NXN: variants seen among roughly 807,000 people sequenced by gnomAD.
NXN encodes nucleoredoxin.
NXN carries 16 observed loss-of-function variants against 48.6 expected under a neutral mutation model. The ratio of observed to expected loss-of-function variants is 0.33; its 90% CI spans 0.22 to 0.50. The LOEUF (loss-of-function observed/expected upper bound fraction) is 0.50, where lower values mean the gene tolerates loss of function less well. Among genes scored for constraint, NXN ranks in the 20% least tolerant of loss-of-function variants. The pLI is 0.98. For missense variants in NXN, 492 were observed against 605.5 expected, an observed-to-expected ratio of 0.81 and a Z score of 1.97; for synonymous variants, 281 against 269.6, an observed-to-expected ratio of 1.04 and a Z score of -0.41.
At position 910,167 on chromosome 17, in the gene NXN, T is replaced by G. The variant is rs376894742; in HGVS notation, c.360+69152A>C. ...CAGCTCACGCCTGTAATCCCAGCAG[T>G]TGGGGAGGCCGAGGCAGGCGGATCA... is the stretch of plus-strand genomic sequence containing the variant. On this transcript the variant is annotated intron_variant, in intron 1 of 7. Coordinates refer to ENST00000336868, the MANE Select transcript of NXN (RefSeq NM_022463.5). Among the ~76,000 whole-genome samples the G allele has an allele frequency of 2.6e-5, 4 of 151,996 alleles. No homozygotes were observed. In the South Asian group the frequency reaches 6.2e-4, roughly 24 times the overall value.
chr17:843,754 C>T (rs955312623), intron 1 of NXN, among the ~76,000 whole-genome samples: 1 of 152,218 alleles, frequency 6.6e-6, no homozygotes, highest in Admixed American at 6.5e-5. Flanking sequence ...ATGTGCCACG[C>T]TCACTCTGAG....
At chr17:802,989 T>G (rs1405818316) in intron 7 of NXN, among the ~76,000 whole-genome samples, 1 of 152,130 alleles carries the variant, frequency 6.6e-6, no homozygotes. Flanking sequence ...AGGAGGCTCC[T>G]GGGTTGGAGG....
chr17:842,340 G>A (rs1202974140), intron 1 of NXN, among the ~76,000 whole-genome samples: 1 of 152,200 alleles, frequency 6.6e-6, no homozygotes, highest in South Asian at 2.1e-4. Flanking sequence ...AGAGACACAG[G>A]GGAGCCGCTG....
In NXN at chr17:849,664, C is replaced by A. The variant is rs1057495590; in HGVS notation, c.361-23586G>T. ...GTCCTCTGGCGGCCAGCTGCCTCAT[C>A]CCTTTACCTCCGCAGACAAGCAATC... On this transcript the variant is annotated intron_variant, in intron 1 of 7. Coordinates refer to ENST00000336868, the MANE Select transcript of NXN (RefSeq NM_022463.5). The surrounding 1 kb of genome is among the most constrained non-coding windows in gnomAD (Gnocchi z 4.2). 1.3e-5 allele frequency among the ~76,000 whole-genome samples: 2 copies of A among 152,198 alleles called. No homozygotes were observed. Among genetic ancestry groups the A allele is most frequent in the Admixed American group, 6.5e-5 (1 of 15,278 alleles).
chr17:915,212 G>C (rs746559061), intron 1 of NXN, among the ~76,000 whole-genome samples: 1 of 151,760 alleles, frequency 6.6e-6, no homozygotes, highest in Non-Finnish European at 1.5e-5. Context: ...GGGATTACAG[G>C]CGTGAGCCAC....
intron 1 of NXN, among the ~76,000 whole-genome samples, chr17:865,401 C>G (rs926138549): frequency 1.3e-5 from 2 of 151,964 alleles, no homozygotes; most frequent in African/African-American, 4.8e-5. Context: ...CACCACCACG[C>G]CCGGCTGATT....
At chr17:814,643 G>A (rs574179848) in intron 5 of NXN, among the ~76,000 whole-genome samples, 3 of 152,304 alleles carry the variant, frequency 2.0e-5, no homozygotes, top group African/African-American at 7.2e-5. Context: ...ATCTCATCCT[G>A]TCCACTCAAG....
intron 5 of NXN, among the ~76,000 whole-genome samples, chr17:806,944 ACACGCACGCGCC>A (rs1165157805): frequency 6.9e-6 from 1 of 145,592 alleles, no homozygotes; most frequent in Non-Finnish European, 1.5e-5. Flanking sequence ...ACACACACAC[ACACGCACGCGCC>A]CACACACACA....
chr17:897,064 C>T (rs2068494706), intron 1 of NXN: 2 of 1,071,892 alleles, frequency 1.9e-6, no homozygotes, highest in Non-Finnish European at 2.3e-6. Flanking sequence ...CACGCGTGAG[C>T]TTTGACAGCC....
chr17:841,621 CACGG>C (rs1914296660), intron 1 of NXN, among the ~76,000 whole-genome samples: 1 of 112,850 alleles, frequency 8.9e-6, no homozygotes, highest in Admixed American at 8.9e-5. Context: ...GAGCATCTCA[CACGG>C]GCAAGCAGGT....
intron 1 of NXN, among the ~76,000 whole-genome samples, chr17:835,226 T>G (rs1189563072): frequency 6.7e-6 from 1 of 148,260 alleles, no homozygotes; most frequent in Non-Finnish European, 1.5e-5. Context: ...GAGAATGGCG[T>G]GAACCCAGGA....
intron 1 of NXN, among the ~76,000 whole-genome samples, chr17:846,947 A>T (rs571252119): frequency 1.7e-3 from 258 of 152,334 alleles, no homozygotes; most frequent in African/African-American, 5.9e-3. Context: ...TATCCCACAT[A>T]GTCAAATCAT....
At chr17:869,022 T>C (rs1373212904) in intron 1 of NXN, among the ~76,000 whole-genome samples, 1 of 152,200 alleles carries the variant, frequency 6.6e-6, no homozygotes, top group African/African-American at 2.4e-5. Flanking sequence ...CCAGGCTTTC[T>C]ATCACTGCAG....
chr17:912,634 C>T (rs759000249), intron 1 of NXN, among the ~76,000 whole-genome samples: 1 of 151,904 alleles, frequency 6.6e-6, no homozygotes, highest in Non-Finnish European at 1.5e-5. Context: ...ATTTTAAAAG[C>T]TCTTTATGCA....
chr17:812,660 G>A (rs1912156455), intron 5 of NXN, among the ~76,000 whole-genome samples: 1 of 148,018 alleles, frequency 6.8e-6, no homozygotes, highest in East Asian at 2.0e-4. Context: ...GTGTGTGACT[G>A]TAGGTGTGTG....
intron 1 of NXN, among the ~76,000 whole-genome samples, chr17:939,558 C>A (rs1372503479): frequency 6.6e-6 from 1 of 152,140 alleles, no homozygotes; most frequent in Non-Finnish European, 1.5e-5. Context: ...GTTGGCCAGG[C>A]TGGTCTCAAA....
chr17:818,047 C>T (rs576656186), intron 5 of NXN, among the ~76,000 whole-genome samples: 3 of 151,868 alleles, frequency 2.0e-5, no homozygotes, highest in East Asian at 1.9e-4. Flanking sequence ...TCACTTGAGC[C>T]CATGAGTTCG....
intron 1 of NXN, among the ~76,000 whole-genome samples, chr17:906,717 C>T (rs910927192): frequency 2.0e-5 from 3 of 151,466 alleles, no homozygotes; most frequent in African/African-American, 7.3e-5. Flanking sequence ...CAGGCACCCA[C>T]CACCACACCC....
At chr17:803,858 T>A in intron 6 of NXN, 52 bp from the exon 7 acceptor site, 1 of 1,607,390 alleles carries the variant, frequency 6.2e-7, no homozygotes. Flanking sequence ...CACTGGCTTG[T>A]CAAACAGAGC....
Sources: gnomAD v4.1 joint callset for allele counts (sites outside exome capture counted in the v4.1 genomes callset) on GRCh38, gnomAD v4.1.1 for gene constraint, Gnocchi (gnomAD v3.1) non-coding constraint, MANE v1.5 for transcripts, NCBI Gene and HGNC (gene_info 2026-07-23, HGNC 2026-07-21) for gene names.